MAPK4: variants seen among roughly 807,000 people sequenced by gnomAD.
MAPK4 encodes the protein Erk3-related.
MAPK4 carries 22 observed loss-of-function variants against 47.7 expected under a neutral mutation model. The observed-to-expected ratio is 0.46, with a 90% CI of 0.33 to 0.66. MAPK4 has a LOEUF of 0.66. Among genes scored for constraint, MAPK4 ranks in the 30% least tolerant of loss-of-function variants. MAPK4 has a pLI of 0.02. For missense variants in MAPK4, 736 were observed against 831.7 expected, an observed-to-expected ratio of 0.88 and a Z score of 1.42; for synonymous variants, 390 against 365.7, an observed-to-expected ratio of 1.07 and a Z score of -0.76.
intron 2 of MAPK4, among the ~76,000 whole-genome samples, chr18:50,668,770 C>T (rs929909991): frequency 1.3e-5 from 2 of 152,180 alleles, no homozygotes; most frequent in Non-Finnish European, 2.9e-5. Context: ...GTTGTCCATC[C>T]CTGGCTTTTC....
chr18:50,655,129 G>T (rs958791623), intron 1 of MAPK4, among the ~76,000 whole-genome samples: 1 of 152,124 alleles, frequency 6.6e-6, no homozygotes, highest in Non-Finnish European at 1.5e-5. Context: ...TTAGAAAACC[G>T]TATTGAGGGA....
chr18:50,702,375 A>AT (rs1275153266), intron 2 of MAPK4, among the ~76,000 whole-genome samples: 3 of 152,066 alleles, frequency 2.0e-5, no homozygotes, highest in African/African-American at 4.8e-5. Flanking sequence ...GCAACATAGC[A>AT]AGACCCTGTC....
chr18:50,664,709 A>T lies in MAPK4; in HGVS notation c.546+205A>T, dbSNP rs545781870. Among the ~76,000 whole-genome samples the T allele has an allele frequency of 7.9e-5, 12 of 152,304 alleles. No homozygotes were observed. The highest frequency in any genetic ancestry group is 2.9e-4 in the African/African-American group (12 of 41,564). On this transcript the variant is annotated intron_variant, in intron 2 of 5. Coordinates refer to ENST00000400384, the MANE Select transcript of MAPK4 (RefSeq NM_002747.4). This position sits in a 1 kb window ranked among gnomAD's most constrained non-coding sequence, Gnocchi z 6.0. Reference sequence around the variant, plus strand: ...TCTGGTTCTTGGTCTTGGCTCTGCTATGTGGCTTTGATCACCCTGAGCTGT... The same window carrying T: ...TCTGGTTCTTGGTCTTGGCTCTGCTTTGTGGCTTTGATCACCCTGAGCTGT...
intron 1 of MAPK4, among the ~76,000 whole-genome samples, chr18:50,590,269 A>T (rs7238675): frequency 0.59 from 89,520 of 152,000 alleles, 27,212 homozygotes; most frequent in African/African-American, 0.76. Context: ...AGATACACAT[A>T]TTTTTTAATT....
intron 4 of MAPK4, among the ~76,000 whole-genome samples, chr18:50,722,553 C>T (rs570542930): frequency 6.6e-6 from 1 of 152,204 alleles, no homozygotes; most frequent in East Asian, 1.9e-4. Context: ...ATTCAAGGCT[C>T]AGCAGGCCTG....
intron 1 of MAPK4, among the ~76,000 whole-genome samples, chr18:50,652,469 T>C (rs754774924): frequency 1.3e-5 from 2 of 152,204 alleles, no homozygotes; most frequent in African/African-American, 2.4e-5. Context: ...AAGAACTCTA[T>C]GAAATTTAAA....
At chr18:50,607,242 G>A (rs955532422) in intron 1 of MAPK4, among the ~76,000 whole-genome samples, 11 of 152,098 alleles carry the variant, frequency 7.2e-5, no homozygotes, top group African/African-American at 2.2e-4. Context: ...ACAACCACAC[G>A]ACATGAGTAC....
chr18:50,717,235 G>A (rs1341275382), intron 3 of MAPK4, among the ~76,000 whole-genome samples: 1 of 152,218 alleles, frequency 6.6e-6, no homozygotes, highest in African/African-American at 2.4e-5. Context: ...CTCAGGGGAG[G>A]AGAGATCTGA....
chr18:50,698,612 C>G (rs925993258), intron 2 of MAPK4, among the ~76,000 whole-genome samples: 14 of 152,162 alleles, frequency 9.2e-5, no homozygotes, highest in Non-Finnish European at 1.6e-4. Flanking sequence ...AAGCTTCTAC[C>G]TCCCTGCATT....
At chr18:50,654,484 C>A (rs2144220043) in intron 1 of MAPK4, among the ~76,000 whole-genome samples, 1 of 152,344 alleles carries the variant, frequency 6.6e-6, no homozygotes, top group Non-Finnish European at 1.5e-5. Flanking sequence ...TAGGGCCTCA[C>A]CTTATTTAGC....
intron 1 of MAPK4, among the ~76,000 whole-genome samples, chr18:50,628,467 C>T (rs1328180941): frequency 6.6e-6 from 1 of 152,178 alleles, no homozygotes; most frequent in Non-Finnish European, 1.5e-5. Flanking sequence ...CTTTTGGGGG[C>T]CCGTTAAGCA....
intron 1 of MAPK4, among the ~76,000 whole-genome samples, chr18:50,610,323 C>T (rs2042621893): frequency 6.6e-6 from 1 of 152,216 alleles, no homozygotes; most frequent in Non-Finnish European, 1.5e-5. Context: ...GTGTCGGTAT[C>T]TTAGGTCCTT....
intron 1 of MAPK4, among the ~76,000 whole-genome samples, chr18:50,601,744 T>A (rs1443125098): frequency 6.6e-6 from 1 of 152,248 alleles, no homozygotes; most frequent in East Asian, 1.9e-4. Flanking sequence ...CTGTGTGTGA[T>A]GTCCATAGGC....
intron 2 of MAPK4, among the ~76,000 whole-genome samples, chr18:50,693,624 A>G (rs1002651615): frequency 2.0e-5 from 3 of 152,192 alleles, no homozygotes; most frequent in African/African-American, 7.2e-5. Flanking sequence ...ATTATCGTCA[A>G]TTTTAAGCAG....
chr18:50,586,777 C>G (rs2042392886), intron 1 of MAPK4, among the ~76,000 whole-genome samples: 1 of 152,050 alleles, frequency 6.6e-6, no homozygotes, highest in Non-Finnish European at 1.5e-5. Flanking sequence ...GGCAAGACCT[C>G]AAAATGTTCT....
intron 1 of MAPK4, among the ~76,000 whole-genome samples, chr18:50,587,581 G>A (rs958882312): frequency 6.6e-6 from 1 of 152,168 alleles, no homozygotes; most frequent in Non-Finnish European, 1.5e-5. Context: ...CATCCCAGTA[G>A]GGGCAGCCCC....
chr18:50,691,766 C>T (rs535740621), intron 2 of MAPK4, among the ~76,000 whole-genome samples: 1 of 152,324 alleles, frequency 6.6e-6, no homozygotes, highest in East Asian at 1.9e-4. Context: ...GGCCCCAGTG[C>T]ACCTTTGTCA....
At chr18:50,600,665 T>C (rs907123492) in intron 1 of MAPK4, among the ~76,000 whole-genome samples, 1 of 152,186 alleles carries the variant, frequency 6.6e-6, no homozygotes, top group African/African-American at 2.4e-5. Context: ...CTGTAATAAA[T>C]GTACTTTCTG....
Position 50,730,299 on chromosome 18 carries a change from C to T in MAPK4, c.*445C>T, listed in dbSNP as rs778572509. ...TAAGATCACAGGCTTAGTGTGAGGA[C>T]GAGCTTGAAATCCCAGTCTCCTGGC... On this transcript the variant is annotated 3_prime_UTR_variant, in exon 6 of 6. Coordinates refer to ENST00000400384, the MANE Select transcript of MAPK4 (RefSeq NM_002747.4). The T allele has an allele frequency of 9.0e-5, 14 of 154,966 alleles. No homozygotes were observed. Among genetic ancestry groups the T allele is most frequent in the South Asian group, 2.1e-4 (1 of 4,868 alleles). 9.6% of individuals were successfully genotyped at this position (154,966 alleles called of 1,614,324 possible).
Sources: gnomAD v4.1 joint callset for allele counts (sites outside exome capture counted in the v4.1 genomes callset) on GRCh38, gnomAD v4.1.1 for gene constraint, Gnocchi (gnomAD v3.1) non-coding constraint, MANE v1.5 for transcripts, NCBI Gene and HGNC (gene_info 2026-07-23, HGNC 2026-07-21) for gene names.